Variants in TENM1 observed in about 807,000 individuals in gnomAD.
TENM1 encodes the protein teneurin transmembrane protein 1.
TENM1 carries 35 observed loss-of-function variants against 174.8 expected under a neutral mutation model. That is an observed-to-expected ratio of 0.20 (90% CI 0.15 to 0.27). The LOEUF (loss-of-function observed/expected upper bound fraction) is 0.27, where lower values mean the gene tolerates loss of function less well. Ranked by LOEUF, TENM1 falls within the 10% of genes least tolerant of loss-of-function variation. The pLI is 1.00. For missense variants in TENM1, 1,633 were observed against 2,130.1 expected (o/e 0.77, Z 4.59); for synonymous variants, 781 against 798.7 (o/e 0.98, Z 0.37).
intron 27 of TENM1, among the ~76,000 whole-genome samples, chrX:124,402,495 G>T (rs1346965233): frequency 1.8e-5 from 2 of 112,188 alleles, no homozygotes; most frequent in Non-Finnish European, 3.8e-5. Flanking sequence ...ACACTAATGA[G>T]CTCCCAAATG....
chrX:124,846,230 C>A (rs1285765349), intron 3 of TENM1, among the ~76,000 whole-genome samples: 1 of 110,838 alleles, frequency 9.0e-6, no homozygotes, highest in Non-Finnish European at 1.9e-5. Flanking sequence ...GGGTGTCAAG[C>A]AGCAGGTGGT....
intron 25 of TENM1, among the ~76,000 whole-genome samples, chrX:124,411,164 T>C (rs547804184): frequency 1.8e-5 from 2 of 111,837 alleles, no homozygotes; most frequent in South Asian, 7.5e-4. Flanking sequence ...TTTCAAAGCT[T>C]ATTTCCAAGA....
the TENM1 span, among the ~76,000 whole-genome samples, chrX:125,107,315 G>A: frequency 2.7e-5 from 3 of 112,317 alleles, no homozygotes; most frequent in African/African-American, 9.7e-5. Context: ...AGCTCAGATT[G>A]TTATTTTACT....
In TENM1 at chrX:124,638,370, C is replaced by T. The variant is rs188080846; in HGVS notation, c.2077+3421G>A. Reference sequence around the variant, plus strand: ...AATACAAATATTTGAATTTATGCAACTGGAGAGTAGTACATTACCAGGAAT... The same window carrying T: ...AATACAAATATTTGAATTTATGCAATTGGAGAGTAGTACATTACCAGGAAT... On this transcript the variant is annotated intron_variant, in intron 11 of 31. Transcript: ENST00000422452. Among the ~76,000 whole-genome samples, 22 of 111,417 alleles carry T rather than the reference C, an allele frequency of 2.0e-4. No individual in the cohort carries two copies. The East Asian group carries it at 6.2e-3, about 31-fold the overall frequency.
At chrX:124,385,521 T>C (rs758938893) in intron 29 of TENM1, among the ~76,000 whole-genome samples, 156 bp downstream of exon 32, 1 of 112,694 alleles carries the variant, frequency 8.9e-6, no homozygotes, top group Admixed American at 9.4e-5. Context: ...GACTATAACA[T>C]GCTTTACATT....
chrX:125,003,065 C>T, the TENM1 span, among the ~76,000 whole-genome samples: 1 of 111,866 alleles, frequency 8.9e-6, no homozygotes, highest in Non-Finnish European at 1.9e-5. Context: ...AACATGCCCT[C>T]AATTTTCCAG....
chrX:124,504,047 G>A (rs187130857), intron 18 of TENM1, among the ~76,000 whole-genome samples: 1 of 111,975 alleles, frequency 8.9e-6, no homozygotes, highest in East Asian at 2.8e-4. Flanking sequence ...GCAGGATTAA[G>A]CTGTGGTAGT....
the TENM1 span, among the ~76,000 whole-genome samples, chrX:125,158,502 A>G: frequency 3.7e-5 from 4 of 109,166 alleles, no homozygotes; most frequent in Non-Finnish European, 7.6e-5. Flanking sequence ...AGCATTCTGG[A>G]GCAGAGATAC....
intron 9 of TENM1, 21 bp from the exon 13 acceptor site, chrX:124,645,358 T>C (rs1184939701): frequency 8.4e-7 from 1 of 1,188,804 alleles, no homozygotes; most frequent in Admixed American, 2.2e-5. Flanking sequence ...GCAAATGAAC[T>C]TGTAATGTTC....
chrX:124,806,022 C>G (rs1015547202), intron 3 of TENM1, among the ~76,000 whole-genome samples: 1 of 110,362 alleles, frequency 9.1e-6, no homozygotes, highest in African/African-American at 3.3e-5. Context: ...TTCAAAAGAA[C>G]TATTTTAAGG....
chrX:124,773,652 G>C (rs746525149), intron 3 of TENM1, among the ~76,000 whole-genome samples: 1 of 111,123 alleles, frequency 9.0e-6, no homozygotes, highest in South Asian at 3.8e-4. Context: ...GAATTAGGAG[G>C]TGATGACTTT....
chrX:124,915,041 C>T (rs149495642), intron 1 of TENM1, among the ~76,000 whole-genome samples: 1,156 of 111,567 alleles, frequency 0.01, 5 homozygotes, highest in Non-Finnish European at 0.015. Context: ...GCATGTTGTT[C>T]CTCTTCTCCT....
chrX:124,723,554 G>A (rs962537658), intron 4 of TENM1, among the ~76,000 whole-genome samples: 3 of 104,807 alleles, frequency 2.9e-5, no homozygotes, highest in Non-Finnish European at 5.8e-5. Flanking sequence ...AATTATCTAC[G>A]TCCATCATGA....
At position 124,578,253 on chromosome X, in the gene TENM1, G is replaced by A. The variant is rs751741315; in HGVS notation, c.2078-12693C>T. Among the ~76,000 whole-genome samples the A allele has an allele frequency of 1.3e-4, 14 of 111,773 alleles. No individual in the cohort carries two copies. The South Asian group carries it at 4.5e-3, about 36-fold the overall frequency. On this transcript the variant is annotated intron_variant, in intron 11 of 31. Coordinates refer to ENST00000422452, the Ensembl canonical transcript of TENM1. ...TGATTTTACTATTTTTGTTAATATC[G>A]TGATAATAGTCCTAGTTTCCAAGGT... is the stretch of plus-strand genomic sequence containing the variant.
At chrX:124,957,811 GTCC>G (rs2058599247) in intron 1 of TENM1, among the ~76,000 whole-genome samples, 1 of 111,032 alleles carries the variant, frequency 9.0e-6, no homozygotes, top group Non-Finnish European at 1.9e-5. Context: ...CTTGTATCAG[GTCC>G]TCAACATACC....
intron 4 of TENM1, among the ~76,000 whole-genome samples, chrX:124,734,841 T>C (rs1250081974): frequency 8.9e-6 from 1 of 112,264 alleles, no homozygotes; most frequent in Admixed American, 9.5e-5. Flanking sequence ...ATTATACCCA[T>C]TTTTTACATA....
At chrX:124,582,594 C>T (rs1460595698) in intron 11 of TENM1, among the ~76,000 whole-genome samples, 4 of 112,023 alleles carry the variant, frequency 3.6e-5, no homozygotes, top group Non-Finnish European at 1.9e-5. Context: ...TCTACAGCTC[C>T]CAGCGTGAGC....
intron 14 of TENM1, among the ~76,000 whole-genome samples, chrX:124,548,543 G>C (rs945262042): frequency 2.7e-5 from 3 of 111,841 alleles, no homozygotes; most frequent in Admixed American, 1.9e-4. Context: ...TTCATTCCAT[G>C]CCCCATAAGC....
chrX:124,646,676 C>T (rs1233761770), intron 9 of TENM1, 33 bp downstream of exon 12: 3 of 1,028,296 alleles, frequency 2.9e-6, no homozygotes, highest in Non-Finnish European at 4.1e-6. Flanking sequence ...CATCTATTTT[C>T]CTAAACCAAT....
Sources: gnomAD v4.1 joint callset for allele counts (sites outside exome capture counted in the v4.1 genomes callset) on GRCh38, gnomAD v4.1.1 for gene constraint, MANE v1.5 for transcripts, NCBI Gene and HGNC (gene_info 2026-07-23, HGNC 2026-07-21) for gene names.